Variants in PCDHA6 observed in about 807,000 individuals in gnomAD.
The protein encoded by PCDHA6 is protocadherin alpha 6.
A neutral mutation model predicts 60.3 loss-of-function variants in PCDHA6; 55 were observed. That is an observed-to-expected ratio of 0.91 (90% confidence interval 0.73 to 1.14). The LOEUF (loss-of-function observed/expected upper bound fraction) is 1.14. Ranked by LOEUF, PCDHA6 falls within the 50% of genes most tolerant of loss-of-function variation. PCDHA6 has a pLI of 0.00. For missense variants in PCDHA6, 1,327 were observed against 1,256.5 expected, an observed-to-expected ratio of 1.06 and a Z score of -0.85; for synonymous variants, 652 against 557.9, an observed-to-expected ratio of 1.17 and a Z score of -2.38.
At chr5:140,838,592 G>A (rs2150290515) in intron 1 of PCDHA6, among the ~76,000 whole-genome samples, 4 of 151,904 alleles carry the variant, frequency 2.6e-5, no homozygotes, top group South Asian at 2.1e-4. Flanking sequence ...AACAATAACC[G>A]AATTGTCTAG....
At chr5:140,926,583 G>C in intron 1 of PCDHA6, 1 of 279,462 alleles carries the variant, frequency 3.6e-6, no homozygotes, top group Non-Finnish European at 6.6e-6. Context: ...AGCACCTCTC[G>C]CGCCCGGGCG....
At chr5:140,946,249 C>T (rs930979647) in intron 1 of PCDHA6, among the ~76,000 whole-genome samples, 2 of 151,896 alleles carry the variant, frequency 1.3e-5, no homozygotes, top group Admixed American at 6.6e-5. Flanking sequence ...CATCATGAAT[C>T]ATCAGAAAAA....
chr5:140,934,523 C>T (rs782685676), intron 1 of PCDHA6, among the ~76,000 whole-genome samples: 15 of 152,236 alleles, frequency 9.9e-5, no homozygotes, highest in South Asian at 8.3e-4. Context: ...GACCACACTT[C>T]GAGAGCTACC....
chr5:140,902,209 T>C (rs1583451921), intron 1 of PCDHA6, among the ~76,000 whole-genome samples: 2 of 150,148 alleles, frequency 1.3e-5, no homozygotes, highest in African/African-American at 4.9e-5. Context: ...CTTTCTTTTT[T>C]TTTTTTTTTT....
At chr5:140,845,380 G>A (rs1779849548) in intron 1 of PCDHA6, among the ~76,000 whole-genome samples, 1 of 149,264 alleles carries the variant, frequency 6.7e-6, no homozygotes, top group South Asian at 2.1e-4. Context: ...TAAATAGGAG[G>A]ATTCTTTCCA....
At chr5:140,919,359 G>T (rs188480486) in intron 1 of PCDHA6, among the ~76,000 whole-genome samples, 3 of 152,146 alleles carry the variant, frequency 2.0e-5, no homozygotes, top group African/African-American at 7.2e-5. Context: ...ATCTAAAAGT[G>T]TCTCCTGCAG....
intron 1 of PCDHA6, among the ~76,000 whole-genome samples, chr5:140,873,090 T>G (rs540850056): frequency 6.6e-6 from 1 of 152,198 alleles, no homozygotes; most frequent in Non-Finnish European, 1.5e-5. Context: ...CCCCCCCGTA[T>G]AGAGGCATAA....
At chr5:140,952,921 A>G (rs1385762046) in intron 1 of PCDHA6, among the ~76,000 whole-genome samples, 4 of 152,138 alleles carry the variant, frequency 2.6e-5, no homozygotes, top group African/African-American at 4.8e-5. Context: ...ACATGGCATG[A>G]GCAGGAGCAG....
chr5:140,961,438 A>G (rs888082906), intron 1 of PCDHA6, among the ~76,000 whole-genome samples: 2 of 152,194 alleles, frequency 1.3e-5, no homozygotes, highest in South Asian at 4.1e-4. Context: ...AAAATCACCT[A>G]ACTACACTGT....
intron 1 of PCDHA6, chr5:140,860,114 T>C (rs2046188052): frequency 6.6e-6 from 1 of 151,042 alleles, no homozygotes. Context: ...CATAGGGATA[T>C]CTTGTACTGT....
chr5:140,863,406 G>T, intron 1 of PCDHA6: 1 of 800,564 alleles, frequency 1.2e-6, no homozygotes, highest in South Asian at 1.3e-5. Flanking sequence ...GCAAGCCCAC[G>T]CTGGTGTACC....
At chr5:140,996,082 T>A (rs782553216) in intron 3 of PCDHA6, among the ~76,000 whole-genome samples, 6 of 152,248 alleles carry the variant, frequency 3.9e-5, no homozygotes, top group Non-Finnish European at 7.3e-5. Context: ...AAGATGTTTT[T>A]GCTAGATTAC....
In PCDHA6 at chr5:140,853,715, G is replaced by T; in HGVS notation, c.2394+23230G>T. ...ACCTGCTAACGCATTAGCATTAGCA[G>T]CACCTAAGTCCTCATTGAATGTTCT... is the stretch of plus-strand genomic sequence containing the variant. On this transcript the variant is annotated intron_variant, in intron 1 of 3. Coordinates refer to ENST00000529310, the MANE Select transcript of PCDHA6 (RefSeq NM_018909.4). 6 of 988,172 alleles carry T rather than the reference G, an allele frequency of 6.1e-6. 1 individual carries two copies. The highest frequency in any genetic ancestry group is 7.3e-6 in the Non-Finnish European group (6 of 820,144). 61.2% of individuals were successfully genotyped at this position (988,172 alleles called of 1,614,324 possible). A position where few individuals can be genotyped will look rare whatever the true frequency, so the allele number is the denominator to read the frequency against.
chr5:140,831,954 TTA>T (rs1771776024), intron 1 of PCDHA6, among the ~76,000 whole-genome samples: 2 of 152,186 alleles, frequency 1.3e-5, no homozygotes, highest in South Asian at 4.1e-4. Flanking sequence ...AAGAAAAACT[TTA>T]TGTCATTTTA....
intron 1 of PCDHA6, chr5:140,870,439 G>C (rs374343977): frequency 6.2e-7 from 1 of 1,614,126 alleles, no homozygotes; most frequent in African/African-American, 1.3e-5. Flanking sequence ...GGAGGTGGCC[G>C]ACGTGAACGA....
chr5:140,877,969 A>G (rs2057419330), intron 1 of PCDHA6: 1 of 1,276,842 alleles, frequency 7.8e-7, no homozygotes, highest in African/African-American at 1.5e-5. Flanking sequence ...TTTCTTGGTC[A>G]TTCTTACTCA....
intron 1 of PCDHA6, chr5:140,968,967 A>G (rs782494657): frequency 2.5e-6 from 4 of 1,614,216 alleles, no homozygotes; most frequent in East Asian, 2.2e-5. Context: ...TGCTACCGCT[A>G]CACTGCGTAT....
chr5:140,948,705 T>C (rs1585306851), intron 1 of PCDHA6, among the ~76,000 whole-genome samples: 1 of 151,580 alleles, frequency 6.6e-6, no homozygotes, highest in African/African-American at 2.4e-5. Context: ...ATTTGTGTTC[T>C]ATCCTCTTTT....
intron 1 of PCDHA6, chr5:140,862,660 G>T: frequency 1.8e-6 from 1 of 546,542 alleles, no homozygotes; most frequent in Non-Finnish European, 3.7e-6. Flanking sequence ...GCGGGACCGG[G>T]ACGCGCAGGA....
Sources: gnomAD v4.1 joint callset for allele counts (sites outside exome capture counted in the v4.1 genomes callset) on GRCh38, gnomAD v4.1.1 for gene constraint, MANE v1.5 for transcripts, NCBI Gene and HGNC (gene_info 2026-07-23, HGNC 2026-07-21) for gene names.